The following PHACTR3 variants were observed in gnomAD, a reference collection of about 807,000 sequenced individuals.
PHACTR3 encodes the protein phosphatase and actin regulator 3.
In PHACTR3, 16 loss-of-function variants were observed where a neutral mutation model predicts 66.8. The observed-to-expected ratio is 0.24, with a 90% CI of 0.16 to 0.36. The LOEUF is 0.36. PHACTR3 is among the 10% of genes least tolerant of loss of function. The pLI, the probability that PHACTR3 is intolerant of heterozygous loss-of-function variation, is 1.00. For missense variants in PHACTR3, 647 were observed against 719.9 expected (o/e 0.90, Z 1.16); for synonymous variants, 323 against 292.1 (o/e 1.11, Z -1.08).
chr20:59,645,881 T>C (rs1221354215), intron 1 of PHACTR3, among the ~76,000 whole-genome samples: 1 of 152,152 alleles, frequency 6.6e-6, no homozygotes, highest in Non-Finnish European at 1.5e-5. Context: ...AATGAGTTTC[T>C]TTCCCCTCCC....
intron 1 of PHACTR3, among the ~76,000 whole-genome samples, chr20:59,665,551 G>T (rs904897812): frequency 2.0e-5 from 3 of 152,074 alleles, no homozygotes; most frequent in Admixed American, 2.0e-4. Flanking sequence ...CTACTTGGGG[G>T]CAGAAATAAG....
At chr20:59,804,514 G>A (rs753556224) in intron 7 of PHACTR3, among the ~76,000 whole-genome samples, 11 of 152,114 alleles carry the variant, frequency 7.2e-5, no homozygotes, top group Non-Finnish European at 1.5e-4. Context: ...AATCTGTCCC[G>A]AGACCTTTGA....
intron 1 of PHACTR3, among the ~76,000 whole-genome samples, chr20:59,708,132 C>T (rs920864692): frequency 3.9e-5 from 6 of 152,178 alleles, no homozygotes; most frequent in Non-Finnish European, 8.8e-5. Context: ...TCTGTCTGTA[C>T]AGCTGGGTCA....
At chr20:59,601,385 T>C (rs1364100678), upstream of PHACTR3, among the ~76,000 whole-genome samples, 1 of 152,274 alleles carries the variant, frequency 6.6e-6, no homozygotes, top group East Asian at 1.9e-4. Flanking sequence ...CATGGACATT[T>C]AGGTTGTTCG....
rs73303198 is a variant in PHACTR3 at position 59,737,121 on chromosome 20, G to A, written c.119-5986G>A. Among the ~76,000 whole-genome samples, 1,442 of 152,188 alleles carry A rather than the reference G, an allele frequency of 9.5e-3. 33 individuals carry two copies. Among genetic ancestry groups the A allele is most frequent in the African/African-American group, 0.033 (1,359 of 41,538 alleles). On this transcript the variant is annotated intron_variant, in intron 1 of 12. Transcript: ENST00000371015. ...CTGCCTGCCTCCCCAGCACATCCAC[G>A]CCTCTCAACCACTGTTTCCTCCTGT...
intron 1 of PHACTR3, among the ~76,000 whole-genome samples, chr20:59,592,238 G>T (rs2033205075): frequency 6.6e-6 from 1 of 152,098 alleles, no homozygotes; most frequent in South Asian, 2.1e-4. Flanking sequence ...TGTGCCTATG[G>T]CTGCTTCCCT....
intron 1 of PHACTR3, among the ~76,000 whole-genome samples, chr20:59,727,981 C>T (rs2038625761): frequency 6.6e-6 from 1 of 152,196 alleles, no homozygotes; most frequent in Non-Finnish European, 1.5e-5. Context: ...ACCAAATACC[C>T]AATGGATAGG....
chr20:59,711,005 C>G (rs1422055008), intron 1 of PHACTR3, among the ~76,000 whole-genome samples: 2 of 151,958 alleles, frequency 1.3e-5, no homozygotes, highest in East Asian at 3.9e-4. Flanking sequence ...CCAGTTAATC[C>G]CTACAAATAT....
chr20:59,602,692 C>T (rs1433281173), upstream of PHACTR3, among the ~76,000 whole-genome samples: 1 of 152,152 alleles, frequency 6.6e-6, no homozygotes, highest in Non-Finnish European at 1.5e-5. Context: ...CCTGCCGTGG[C>T]TGGGTCAGCT....
At chr20:59,757,932 T>C (rs1376556862) in intron 4 of PHACTR3, among the ~76,000 whole-genome samples, 1 of 152,172 alleles carries the variant, frequency 6.6e-6, no homozygotes, top group East Asian at 1.9e-4. Flanking sequence ...ATCACACCAC[T>C]GCACTCCAGT....
At chr20:59,722,259 C>T (rs909951525) in intron 1 of PHACTR3, among the ~76,000 whole-genome samples, 1 of 151,162 alleles carries the variant, frequency 6.6e-6, no homozygotes, top group African/African-American at 2.4e-5. Context: ...AAGGTGGCAC[C>T]TCAGATTGAA....
At chr20:59,637,709 A>G (rs866549132) in intron 1 of PHACTR3, among the ~76,000 whole-genome samples, 1 of 151,940 alleles carries the variant, frequency 6.6e-6, no homozygotes, top group African/African-American at 2.4e-5. Flanking sequence ...AAAAAAAAAA[A>G]AAACCAACAA....
At chr20:59,803,337 G>A (rs187496575) in intron 7 of PHACTR3, among the ~76,000 whole-genome samples, 9 of 151,962 alleles carry the variant, frequency 5.9e-5, no homozygotes, top group African/African-American at 1.7e-4. Flanking sequence ...ATCTTTTTTT[G>A]CCAGTTTTCT....
chr20:59,768,514 G>A (rs202067083), intron 5 of PHACTR3, among the ~76,000 whole-genome samples: 1 of 152,260 alleles, frequency 6.6e-6, no homozygotes, highest in African/African-American at 2.4e-5. Context: ...TGGGCCCAAA[G>A]CTTGTTGCTA....
intron 1 of PHACTR3, among the ~76,000 whole-genome samples, chr20:59,609,622 C>G (rs2033788920): frequency 6.6e-6 from 1 of 152,182 alleles, no homozygotes; most frequent in Non-Finnish European, 1.5e-5. Context: ...TCTAGTCTCT[C>G]CTTTGCCTCA....
At chr20:59,726,848 T>G (rs1242631615) in intron 1 of PHACTR3, among the ~76,000 whole-genome samples, 2 of 152,176 alleles carry the variant, frequency 1.3e-5, no homozygotes, top group African/African-American at 2.4e-5. Context: ...TGGGAGTTCT[T>G]TTGATATTCT....
At chr20:59,785,042 C>G (rs1435038691) in intron 7 of PHACTR3, among the ~76,000 whole-genome samples, 2 of 152,068 alleles carry the variant, frequency 1.3e-5, no homozygotes, top group Admixed American at 1.3e-4. Flanking sequence ...AGAGAAAAGA[C>G]AGGGAGGGGC....
chr20:59,771,513 C>T (rs1157636890), intron 5 of PHACTR3, among the ~76,000 whole-genome samples: 1 of 152,166 alleles, frequency 6.6e-6, no homozygotes, highest in Non-Finnish European at 1.5e-5. Context: ...TGACCTCCCT[C>T]TCCCAAACCA....
chr20:59,729,091 G>A (rs192705422), intron 1 of PHACTR3, among the ~76,000 whole-genome samples: 216 of 152,248 alleles, frequency 1.4e-3, no homozygotes, highest in African/African-American at 4.9e-3. Context: ...AGAGGTCACA[G>A]GGCTTTGAGG....
Sources: gnomAD v4.1 joint callset for allele counts (sites outside exome capture counted in the v4.1 genomes callset) on GRCh38, gnomAD v4.1.1 for gene constraint, MANE v1.5 for transcripts, NCBI Gene and HGNC (gene_info 2026-07-23, HGNC 2026-07-21) for gene names.